Variants in NCOA1 observed in about 807,000 individuals in gnomAD.
NCOA1 encodes Hin-2 protein.
A neutral mutation model predicts 150.9 loss-of-function variants in NCOA1; 35 were observed. That is an observed-to-expected ratio of 0.23 (90% CI 0.18 to 0.31). NCOA1 has a LOEUF of 0.31. Ranked by LOEUF, NCOA1 falls within the 10% of genes least tolerant of loss-of-function variation. The pLI is 1.00. For synonymous variants in NCOA1, 590 were observed against 630.0 expected, an observed-to-expected ratio of 0.94 and a Z score of 0.95; for missense variants, 1,491 against 1,749.3, an observed-to-expected ratio of 0.85 and a Z score of 2.63.
At chr2:24,516,977 C>CGTGTATATATACGTGTAT (rs143605372) in intron 1 of NCOA1, among the ~76,000 whole-genome samples, 4 of 58,998 alleles carry the variant, frequency 6.8e-5, no homozygotes, top group African/African-American at 1.8e-4. Context: ...TATATATACA[C>CGTGTATATATACGTGTAT]ATATACGTAT....
chr2:24,632,396 A>T (rs139331117), intron 3 of NCOA1, among the ~76,000 whole-genome samples: 1 of 152,290 alleles, frequency 6.6e-6, no homozygotes, highest in East Asian at 1.9e-4. Flanking sequence ...AAGCCACTAG[A>T]TGCACTGATA....
At chr2:24,757,888 A>T in intron 20 of NCOA1, 85 bp from the exon 21 acceptor site, 1 of 1,303,112 alleles carries the variant, frequency 7.7e-7, no homozygotes, top group Non-Finnish European at 1.1e-6. Flanking sequence ...AGGATGTAAC[A>T]TATTTTATTT....
intron 19 of NCOA1, among the ~76,000 whole-genome samples, chr2:24,747,599 G>T (rs141098692): frequency 6.6e-6 from 1 of 151,704 alleles, no homozygotes; most frequent in African/African-American, 2.4e-5. Context: ...AAAGCACTGG[G>T]GTTACAGGCA....
intron 14 of NCOA1, among the ~76,000 whole-genome samples, chr2:24,718,555 G>T (rs1250733511): frequency 2.0e-5 from 3 of 151,970 alleles, no homozygotes; most frequent in African/African-American, 7.3e-5. Context: ...AAACTGGGTG[G>T]GCGCGGTGGC....
intron 1 of NCOA1, among the ~76,000 whole-genome samples, chr2:24,513,593 T>G (rs1664027591): frequency 6.6e-6 from 1 of 152,232 alleles, no homozygotes; most frequent in African/African-American, 2.4e-5. Context: ...AAAATGTGTG[T>G]GTGTGTGTGC....
At chr2:24,649,818 C>T (rs899284355) in intron 4 of NCOA1, among the ~76,000 whole-genome samples, 1 of 152,030 alleles carries the variant, frequency 6.6e-6, no homozygotes, top group Non-Finnish European at 1.5e-5. Context: ...AGCATTGTCG[C>T]TTAGTCTGTG....
At chr2:24,767,059 G>T (rs1452904427) in intron 22 of NCOA1, among the ~76,000 whole-genome samples, 2 of 152,108 alleles carry the variant, frequency 1.3e-5, no homozygotes, top group Non-Finnish European at 2.9e-5. Flanking sequence ...GGAAAGTGGA[G>T]ATATAAACGG....
intron 1 of NCOA1, among the ~76,000 whole-genome samples, chr2:24,552,345 ATATATATATTTTTTTTTTTTTTT>A (rs1665880878): frequency 3.5e-5 from 1 of 28,912 alleles, no homozygotes; most frequent in Non-Finnish European, 6.0e-5. Flanking sequence ...ATATATATAT[ATATATATATTTTTTTTTTTTTTT>A]TTTTTTTTTT....
chr2:24,750,898 A>T (rs56139148), intron 19 of NCOA1, among the ~76,000 whole-genome samples: 46,205 of 150,764 alleles, frequency 0.31, 7,188 homozygotes, highest in East Asian at 0.42. Context: ...GTATAGATTA[A>T]GTCTGAATAA....
In NCOA1 at chr2:24,535,277, C is replaced by CT. The variant is rs969619015; in HGVS notation, c.-395-29009dup. 1.1e-4 allele frequency among the ~76,000 whole-genome samples: 16 copies of CT among 150,792 alleles called. No individual in the cohort carries two copies. The East Asian group carries it at 1.9e-3, about 18-fold the overall frequency. On this transcript the variant is annotated intron_variant, in intron 1 of 22. Transcript: ENST00000348332. ...TCAGAGACTAGGATTGCAACCCCTG[C>CT]TTTTTTTTTGCTTTCCATTTGCTTG...
chr2:24,594,251 A>G (rs1309497288), intron 3 of NCOA1, among the ~76,000 whole-genome samples: 1 of 152,170 alleles, frequency 6.6e-6, no homozygotes, highest in Non-Finnish European at 1.5e-5. Context: ...AATTTATAAT[A>G]AAACATACGA....
Position 24,769,665 on chromosome 2 carries a change from C to T in NCOA1, c.*1274C>T, listed in dbSNP as rs924859416. 1.1e-4 allele frequency: 23 copies of T among 213,718 alleles called. No individual in the cohort carries two copies. The highest frequency in any genetic ancestry group is 1.9e-4 in the South Asian group (1 of 5,346). The allele number at this position is 213,718 out of a possible 1,614,324, so 13.2% of individuals were successfully genotyped here. ...CAAATATAAATTTCTCTATCCTGCT[C>T]TGAGGCTAATTGGTACCATATTTTC... On this transcript the variant is annotated 3_prime_UTR_variant, in exon 23 of 23. Transcript: ENST00000348332.
intron 8 of NCOA1, among the ~76,000 whole-genome samples, chr2:24,684,027 A>AAG (rs1672292253): frequency 1.3e-5 from 2 of 152,192 alleles, no homozygotes; most frequent in South Asian, 4.1e-4. Flanking sequence ...CTGTGTGATA[A>AAG]AGTATCTGAG....
intron 3 of NCOA1, among the ~76,000 whole-genome samples, chr2:24,614,196 A>ATTTTTTTTTTT (rs1558840251): frequency 2.3e-4 from 3 of 13,160 alleles, no homozygotes; most frequent in African/African-American, 6.4e-4. Context: ...ATTCATTTCC[A>ATTTTTTTTTTT]TTCTTTTTTT....
chr2:24,639,510 T>C (rs556535297), intron 3 of NCOA1, among the ~76,000 whole-genome samples: 1 of 152,272 alleles, frequency 6.6e-6, no homozygotes, highest in East Asian at 1.9e-4. Context: ...TTTTTTTCAG[T>C]TGTCCATATT....
intron 9 of NCOA1, among the ~76,000 whole-genome samples, chr2:24,692,948 C>T (rs1243210970): frequency 6.6e-6 from 1 of 152,204 alleles, no homozygotes; most frequent in African/African-American, 2.4e-5. Flanking sequence ...GCAAGCTCCA[C>T]CTCCCGGGTT....
At chr2:24,634,367 T>A (rs1669839482) in intron 3 of NCOA1, among the ~76,000 whole-genome samples, 1 of 152,208 alleles carries the variant, frequency 6.6e-6, no homozygotes, top group South Asian at 2.1e-4. Context: ...TTTCTTTATA[T>A]CTTTAAATTC....
At position 24,770,663 on chromosome 2, in the gene NCOA1, G is replaced by A. The variant is rs1467383276; in HGVS notation, c.*2272G>A. On this transcript the variant is annotated 3_prime_UTR_variant, in exon 23 of 23. Transcript: ENST00000348332. ...AGAAATTGCCAAAGCCCAAATTAACGAGTATTATAAAAGGATAATAAAGCA... is the reference window on the plus strand; with the variant it reads ...AGAAATTGCCAAAGCCCAAATTAACAAGTATTATAAAAGGATAATAAAGCA... The A allele has an allele frequency of 5.2e-6, 1 of 193,252 alleles. No individual in the cohort carries two copies. The allele number at this position is 193,252 out of a possible 1,614,324, so 12.0% of individuals were successfully genotyped here. A position where few individuals can be genotyped will look rare whatever the true frequency, so the allele number is the denominator to read the frequency against.
chr2:24,758,220 G>C (rs976777650), intron 21 of NCOA1, 64 bp downstream of exon 21: 1 of 1,437,062 alleles, frequency 7.0e-7, no homozygotes, highest in African/African-American at 1.4e-5. Context: ...GGAAAATCAG[G>C]TATGTTGACA....
Sources: gnomAD v4.1 joint callset for allele counts (sites outside exome capture counted in the v4.1 genomes callset) on GRCh38, gnomAD v4.1.1 for gene constraint, MANE v1.5 for transcripts, NCBI Gene and HGNC (gene_info 2026-07-23, HGNC 2026-07-21) for gene names.